Variants in ST8SIA5 observed in about 807,000 individuals in gnomAD.
ST8SIA5 encodes ST8 alpha-N-acetyl-neuraminide alpha-2,8-sialyltransferase 5.
A neutral mutation model predicts 40.2 loss-of-function variants in ST8SIA5; 24 were observed. The ratio of observed to expected loss-of-function variants is 0.60; its 90% CI spans 0.43 to 0.84. ST8SIA5 has a LOEUF of 0.84. ST8SIA5 is among the 40% of genes least tolerant of loss of function. The pLI is 0.00. For synonymous variants in ST8SIA5, 198 were observed against 201.8 expected, an observed-to-expected ratio of 0.98 and a Z score of 0.16; for missense variants, 465 against 498.5, an observed-to-expected ratio of 0.93 and a Z score of 0.64.
rs149440119 is a variant in ST8SIA5, at chr18:46,733,010, G to A, written c.131+23368C>T. On this transcript the variant is annotated intron_variant, in intron 1 of 6. Transcript: ENST00000315087. ...CAGGACCTCAGAAAGGGGCAGCTCG[G>A]GAGGCTGGACCCAGGGCTCCAGAAG... is the stretch of plus-strand genomic sequence containing the variant. 3.1e-3 allele frequency among the ~76,000 whole-genome samples: 476 copies of A among 152,238 alleles called. 4 individuals are homozygous for A. Among genetic ancestry groups the A allele is most frequent in the African/African-American group, 0.01 (430 of 41,542 alleles).
chr18:46,716,957 C>A (rs937461298), intron 1 of ST8SIA5, among the ~76,000 whole-genome samples: 1 of 152,206 alleles, frequency 6.6e-6, no homozygotes, highest in African/African-American at 2.4e-5. Context: ...CTGAGTGAAG[C>A]CCTTTGTGCT....
In ST8SIA5 at chr18:46,672,511, T is replaced by G. The variant is rs184700864; in HGVS notation, c.*7531A>C. 8 of 152,256 alleles carry G rather than the reference T, an allele frequency of 5.3e-5. No homozygotes were observed. The highest frequency in any genetic ancestry group is 3.3e-4 in the Admixed American group (5 of 15,302). The allele number at this position is 152,256 out of a possible 1,614,324, so 9.4% of individuals were successfully genotyped here. On this transcript the variant is annotated 3_prime_UTR_variant, in exon 7 of 7. Transcript: ENST00000315087. ...GAAGGAAATGAGAGATTTGTTGCCA[T>G]GGGAACCATCTTCAACTGAAGAGAG... is the stretch of plus-strand genomic sequence containing the variant.
chr18:46,701,082 G>C (rs1236918121), intron 2 of ST8SIA5, among the ~76,000 whole-genome samples: 3 of 147,242 alleles, frequency 2.0e-5, no homozygotes, highest in Admixed American at 6.8e-5. Flanking sequence ...GTATGCTTAG[G>C]TCCTAACCCC....
At chr18:46,747,305 T>C (rs985197439) in intron 1 of ST8SIA5, among the ~76,000 whole-genome samples, 1 of 152,102 alleles carries the variant, frequency 6.6e-6, no homozygotes, top group Non-Finnish European at 1.5e-5. Context: ...GGGAGAAAAT[T>C]TTTGCCATCT....
intron 1 of ST8SIA5, among the ~76,000 whole-genome samples, chr18:46,745,962 A>AC (rs2040135678): frequency 2.0e-5 from 3 of 152,240 alleles, no homozygotes; most frequent in African/African-American, 7.2e-5. Context: ...CCAACGACAA[A>AC]AAACACATGA....
intron 1 of ST8SIA5, among the ~76,000 whole-genome samples, chr18:46,718,513 A>G (rs1423147106): frequency 6.7e-6 from 1 of 150,120 alleles, no homozygotes; most frequent in Non-Finnish European, 1.5e-5. Context: ...GTGACCAATA[A>G]GAAGATCTGA....
At chr18:46,700,242 C>T (rs1329041893) in intron 2 of ST8SIA5, among the ~76,000 whole-genome samples, 1 of 152,222 alleles carries the variant, frequency 6.6e-6, no homozygotes, top group African/African-American at 2.4e-5. Flanking sequence ...ACTTTTACCA[C>T]TGATTTCAGC....
Position 46,714,715 on chromosome 18 carries a change from G to A in ST8SIA5, c.132-10051C>T, listed in dbSNP as rs568101640. On this transcript the variant is annotated intron_variant, in intron 1 of 6. Transcript: ENST00000315087. ...AGAGACCCCCTCACTCCACCTCCAC[G>A]GAGCCCTATGGGGACCTGTGAGGTG... 5.9e-5 allele frequency among the ~76,000 whole-genome samples: 9 copies of A among 152,282 alleles called. No individual in the cohort carries two copies. The South Asian group carries it at 1.0e-3, about 18-fold the overall frequency.
rs1168331604 is a variant in ST8SIA5 at position 46,680,199 on chromosome 18, G to C, written c.974C>G (p.Pro325Arg). Residue 325 changes from proline (P) to arginine (R), a missense_variant, in exon 7 of 7, where the codon CCC (proline) becomes CGC (arginine). Physicochemically the swap from Pro to Arg is moderately radical, Grantham distance 103. Transcript: ENST00000315087. ...GATGTAGAGGCCCGAGGGGTTCATGGGGAAGGCCCAGAAGCCAAAGAGGTG... is the reference window on the plus strand; with the variant it reads ...GATGTAGAGGCCCGAGGGGTTCATGCGGAAGGCCCAGAAGCCAAAGAGGTG... The part of the protein sequence containing the change: ...EVHLFGFWAF[P>R]MNPSGLYITH... 6.2e-7 allele frequency: 1 copy of C among 1,614,144 alleles called. No homozygotes were observed. The highest frequency in any genetic ancestry group is 8.5e-7 in the Non-Finnish European group (1 of 1,180,050).
At chr18:46,716,517 C>T (rs534378688) in intron 1 of ST8SIA5, among the ~76,000 whole-genome samples, 21 of 152,312 alleles carry the variant, frequency 1.4e-4, no homozygotes, top group Admixed American at 5.9e-4. Flanking sequence ...CAAGTGTCTC[C>T]TGAGTTGCCT....
chr18:46,682,103 T>A, intron 5 of ST8SIA5, 39 bp from the exon 6 acceptor site: 2 of 1,509,818 alleles, frequency 1.3e-6, no homozygotes, highest in Non-Finnish European at 1.8e-6. Context: ...GGTTGGTCAT[T>A]CAATAGGTCA....
In ST8SIA5 at chr18:46,724,319, G is replaced by C. The variant is rs186316242; in HGVS notation, c.132-19655C>G. Among the ~76,000 whole-genome samples, 6 of 152,348 alleles carry C rather than the reference G, an allele frequency of 3.9e-5. No individual in the cohort carries two copies. In the East Asian group the frequency reaches 1.2e-3, roughly 29 times the overall value. ...TGCTGCACACATGAAGTGCTCCAGC[G>C]ATGCTTTGCTGAGTAACAGTAGACC... On this transcript the variant is annotated intron_variant, in intron 1 of 6. Coordinates refer to ENST00000315087, the MANE Select transcript of ST8SIA5 (RefSeq NM_013305.6).
intron 1 of ST8SIA5, among the ~76,000 whole-genome samples, chr18:46,713,532 A>AGAG: frequency 6.6e-6 from 1 of 152,282 alleles, no homozygotes; most frequent in African/African-American, 2.4e-5. Flanking sequence ...GAGAGTGCAG[A>AGAG]GAGAAGAAGA....
chr18:46,719,739 CCTTCCTTTCTTTCT>C (rs1285804189), intron 1 of ST8SIA5, among the ~76,000 whole-genome samples: 3 of 13,294 alleles, frequency 2.3e-4, no homozygotes, highest in African/African-American at 4.6e-4. Context: ...TCTCTTCTTT[CCTTCCTTTCTTTCT>C]TTTCTTTCTT....
chr18:46,689,720 A>ATGT (rs1200246834), intron 3 of ST8SIA5, among the ~76,000 whole-genome samples: 1 of 150,748 alleles, frequency 6.6e-6, no homozygotes, highest in East Asian at 1.9e-4. Flanking sequence ...ATTACAGGCA[A>ATGT]GCACCACCAT....
intron 1 of ST8SIA5, among the ~76,000 whole-genome samples, chr18:46,744,401 C>G (rs969053888): frequency 3.3e-5 from 5 of 152,112 alleles, no homozygotes; most frequent in Admixed American, 2.0e-4. Flanking sequence ...CAAAATAAAG[C>G]AGGGGTTGCA....
At position 46,677,298 on chromosome 18, in the gene ST8SIA5, A is replaced by C. The variant is rs4890335; in HGVS notation, c.*2744T>G. The C allele has an allele frequency of 1.6e-3, 242 of 147,654 alleles. No homozygotes were observed. The highest frequency in any genetic ancestry group is 5.7e-3 in the African/African-American group (226 of 39,638). 9.1% of individuals were successfully genotyped at this position (147,654 alleles called of 1,614,324 possible). On this transcript the variant is annotated 3_prime_UTR_variant, in exon 7 of 7. Coordinates refer to ENST00000315087, the MANE Select transcript of ST8SIA5 (RefSeq NM_013305.6). ...TTTGGGGCTCTACAGATCTGGGTGC[A>C]GTTCCCTCCATTGGGTGCCGTTCCC...
chr18:46,721,317 G>A (rs184044699), intron 1 of ST8SIA5: 91 of 1,516,520 alleles, frequency 6.0e-5, no homozygotes, highest in Admixed American at 2.0e-4. Context: ...GGGCCACCCC[G>A]GGTTGAGCTT....
In ST8SIA5 at chr18:46,676,714, G is replaced by A. The variant is rs138169495; in HGVS notation, c.*3328C>T. 3.2e-4 allele frequency: 49 copies of A among 152,356 alleles called. No individual in the cohort carries two copies. The highest frequency in any genetic ancestry group is 6.8e-3 in the Middle Eastern group (2 of 296). The allele number at this position is 152,356 out of a possible 1,614,324, so 9.4% of individuals were successfully genotyped here. On this transcript the variant is annotated 3_prime_UTR_variant, in exon 7 of 7. Transcript: ENST00000315087. ...GAGCAGTGGGTTTAGCACAAAGGAA[G>A]ACATGATGGTTGTTTTGTTTACGGG...
Sources: allele counts gnomAD v4.1 joint callset (sites outside exome capture counted in the v4.1 genomes callset), GRCh38; gene constraint gnomAD v4.1.1; transcripts MANE v1.5; gene names NCBI Gene and HGNC (gene_info 2026-07-23, HGNC 2026-07-21).